The following CDYL variants were observed in gnomAD, a reference collection of about 807,000 sequenced individuals.
CDYL encodes the protein chromodomain Y like, also known as chromodomain Y-like protein.
CDYL carries 8 observed loss-of-function variants against 47.3 expected under a neutral mutation model. The ratio of observed to expected loss-of-function variants is 0.17; its 90% CI spans 0.10 to 0.31. The LOEUF is 0.31. Ranked by LOEUF, CDYL falls within the 10% of genes least tolerant of loss-of-function variation. The pLI, the probability that CDYL is intolerant of heterozygous loss-of-function variation, is 1.00. For missense variants in CDYL, 471 were observed against 701.4 expected, an observed-to-expected ratio of 0.67 and a Z score of 3.71; for synonymous variants, 266 against 265.0, an observed-to-expected ratio of 1.00 and a Z score of -0.04.
chr6:4,835,383 G>C (rs989215477), intron 1 of CDYL, among the ~76,000 whole-genome samples: 2 of 152,232 alleles, frequency 1.3e-5, no homozygotes, highest in South Asian at 2.1e-4. Context: ...CTGCAGAACA[G>C]TGGTTTATCA....
chr6:4,760,703 G>A (rs1999867), intron 3 of CDYL, among the ~76,000 whole-genome samples: 32,743 of 152,058 alleles, frequency 0.22, 5,678 homozygotes, highest in African/African-American at 0.48. Flanking sequence ...AGGACCAAGA[G>A]GAAGCCTGAC....
chr6:4,819,430 T>C (rs1344487783), intron 1 of CDYL, among the ~76,000 whole-genome samples: 1 of 152,152 alleles, frequency 6.6e-6, no homozygotes, highest in Non-Finnish European at 1.5e-5. Context: ...ACTTAAAAAT[T>C]TGTCATGTCT....
At chr6:4,795,719 T>A (rs1246951235) in intron 1 of CDYL, among the ~76,000 whole-genome samples, 3 of 151,972 alleles carry the variant, frequency 2.0e-5, no homozygotes, top group Non-Finnish European at 4.4e-5. Flanking sequence ...TTTTTTTTTT[T>A]AAAGAATCAG....
chr6:4,831,511 G>C (rs535603708), intron 1 of CDYL, among the ~76,000 whole-genome samples: 1 of 152,186 alleles, frequency 6.6e-6, no homozygotes. Flanking sequence ...GTCAGGTGGC[G>C]TGATGCCTCC....
chr6:4,717,240 G>A (rs1035809560), intron 2 of CDYL, among the ~76,000 whole-genome samples: 2 of 152,102 alleles, frequency 1.3e-5, no homozygotes, highest in African/African-American at 4.8e-5. Flanking sequence ...TGAGAAAGAG[G>A]TTATCCTCAA....
intron 1 of CDYL, among the ~76,000 whole-genome samples, chr6:4,871,854 C>A (rs1268993472): frequency 1.3e-5 from 2 of 152,204 alleles, no homozygotes; most frequent in East Asian, 3.8e-4. Context: ...TAAGTTCCCA[C>A]TGACCCCTAA....
chr6:4,779,631 G>GA (rs1215020241), intron 1 of CDYL, among the ~76,000 whole-genome samples: 1 of 152,182 alleles, frequency 6.6e-6, no homozygotes, highest in African/African-American at 2.4e-5. Context: ...TTGAAGGATG[G>GA]AATAGATTTA....
At chr6:4,744,121 G>A (rs922056281) in intron 3 of CDYL, among the ~76,000 whole-genome samples, 9 of 152,168 alleles carry the variant, frequency 5.9e-5, no homozygotes, top group Non-Finnish European at 8.8e-5. Flanking sequence ...TGAGCAGGAC[G>A]AAGGTCAGAT....
intron 1 of CDYL, among the ~76,000 whole-genome samples, chr6:4,810,983 GCAATTCCTT>G (rs1374005803): frequency 1.3e-5 from 2 of 152,212 alleles, no homozygotes; most frequent in African/African-American, 4.8e-5. Flanking sequence ...GTTATTGCAG[GCAATTCCTT>G]CAGTAAATAG....
chr6:4,877,455 C>T (rs556888782), intron 1 of CDYL, among the ~76,000 whole-genome samples: 9 of 152,282 alleles, frequency 5.9e-5, no homozygotes, highest in African/African-American at 1.9e-4. Context: ...AAAACGTCAT[C>T]GCTTTAGCTT....
rs549845013 is a variant in CDYL, at chr6:4,782,970, A to T, written c.24+6163A>T. Among the ~76,000 whole-genome samples the T allele has an allele frequency of 4.7e-3, 710 of 152,328 alleles. 6 individuals are homozygous for T. Among genetic ancestry groups the T allele is most frequent in the Non-Finnish European group, 7.3e-3 (497 of 68,028 alleles). On this transcript the variant is annotated intron_variant, in intron 1 of 6. Transcript: ENST00000397588. ...GATGTCTAAAGATAGTCAGTATTTA[A>T]TGGCACTTCTGACAATGTAAAGATT...
At chr6:4,945,880 C>T (rs1480354371) in intron 5 of CDYL, among the ~76,000 whole-genome samples, 1 of 152,244 alleles carries the variant, frequency 6.6e-6, no homozygotes, top group Non-Finnish European at 1.5e-5. Context: ...CCCTGAGGCA[C>T]CCCATGCTGG....
chr6:4,890,365 C>T (rs932835301), intron 1 of CDYL, among the ~76,000 whole-genome samples: 1 of 152,164 alleles, frequency 6.6e-6, no homozygotes, highest in Non-Finnish European at 1.5e-5. Context: ...ATACGGACCG[C>T]GTGGACTCGC....
chr6:4,883,045 G>A (rs970295723), intron 1 of CDYL, among the ~76,000 whole-genome samples: 1 of 152,196 alleles, frequency 6.6e-6, no homozygotes, highest in Admixed American at 6.5e-5. Flanking sequence ...TAATCAATCT[G>A]TGTAAGCGAC....
At chr6:4,883,526 CA>C (rs1435598774) in intron 1 of CDYL, among the ~76,000 whole-genome samples, 8 of 152,210 alleles carry the variant, frequency 5.3e-5, no homozygotes, top group Non-Finnish European at 1.2e-4. Flanking sequence ...CACCCATACT[CA>C]TGGCCATGGC....
At chr6:4,824,406 A>T (rs1032820575) in intron 1 of CDYL, among the ~76,000 whole-genome samples, 1 of 152,174 alleles carries the variant, frequency 6.6e-6, no homozygotes, top group Non-Finnish European at 1.5e-5. Context: ...TTCCATTTTT[A>T]AAATTATAGT....
At chr6:4,753,180 G>A (rs1030161721) in intron 3 of CDYL, among the ~76,000 whole-genome samples, 2 of 152,094 alleles carry the variant, frequency 1.3e-5, no homozygotes, top group African/African-American at 2.4e-5. Context: ...CAAAAGTGGG[G>A]GATGGAAAGC....
At chr6:4,947,702 G>A (rs1348675806) in intron 5 of CDYL, among the ~76,000 whole-genome samples, 1 of 152,178 alleles carries the variant, frequency 6.6e-6, no homozygotes, top group Non-Finnish European at 1.5e-5. Context: ...TTCTCTGGAA[G>A]CTAAGATAGA....
chr6:4,913,859 C>T (rs1036900349), intron 2 of CDYL, among the ~76,000 whole-genome samples: 2 of 152,272 alleles, frequency 1.3e-5, no homozygotes, highest in African/African-American at 4.8e-5. Context: ...AAACAGGAAG[C>T]AGCCCAGATT....
Sources: gnomAD v4.1 joint callset for allele counts (sites outside exome capture counted in the v4.1 genomes callset) on GRCh38, gnomAD v4.1.1 for gene constraint, MANE v1.5 for transcripts, NCBI Gene and HGNC (gene_info 2026-07-23, HGNC 2026-07-21) for gene names.